Variants in TLR10 observed in about 807,000 individuals in gnomAD.
TLR10 encodes toll-like receptor 10.
For missense variants in TLR10, 929 were observed against 932.9 expected (o/e 1.00, Z 0.05); for synonymous variants, 288 against 338.8 (o/e 0.85, Z 1.65).
At chr4:38,781,732 C>A (rs1725425485) in intron 1 of TLR10, among the ~76,000 whole-genome samples, 1 of 152,154 alleles carries the variant, frequency 6.6e-6, no homozygotes, top group Non-Finnish European at 1.5e-5. Flanking sequence ...TCTAATTTAT[C>A]TTTTCCCAAT....
chr4:38,775,167 A>G lies in TLR10; in HGVS notation c.424T>C (p.Ser142Pro), dbSNP rs145711969. The change falls in exon 4 of 4, where the codon TCA (serine) becomes CCA (proline). Residue 142 changes from serine to proline, a missense_variant. Physicochemically the swap from Ser to Pro is moderately conservative, Grantham distance 74. Transcript: ENST00000308973. ...MPICEEAGNM[S>P]HLEILGLSGA... ...CTCAAACCTAGGATTTCCAGGTGTG[A>G]CATGTTGCCAGCTTCCTCACAGATA... 1,074 of 1,613,894 alleles carry G rather than the reference A, an allele frequency of 6.7e-4. 2 individuals are homozygous for G. The Middle Eastern group carries it at 7.4e-3, about 11-fold the overall frequency.
chr4:38,777,268 A>C (rs1725111730), intron 1 of TLR10, among the ~76,000 whole-genome samples: 1 of 152,322 alleles, frequency 6.6e-6, no homozygotes, highest in East Asian at 1.9e-4. Flanking sequence ...GAAGCAAGAC[A>C]CTTGTTGTCT....
intron 1 of TLR10, among the ~76,000 whole-genome samples, chr4:38,780,074 A>G (rs1009962842): frequency 1.1e-4 from 16 of 152,214 alleles, no homozygotes; most frequent in African/African-American, 3.9e-4. Flanking sequence ...TATGTTGTGA[A>G]TTCCTGATAC....
intron 1 of TLR10, among the ~76,000 whole-genome samples, chr4:38,778,381 T>C (rs1725192609): frequency 6.6e-6 from 1 of 152,016 alleles, no homozygotes; most frequent in Non-Finnish European, 1.5e-5. Flanking sequence ...TGTATACCTA[T>C]GTAACAAACA....
In TLR10 at chr4:38,773,453, G is replaced by A; in HGVS notation, c.2138C>T (p.Ala713Val). 3 of 1,611,798 alleles carry A rather than the reference G, an allele frequency of 1.9e-6. No homozygotes were observed. The highest frequency in any genetic ancestry group is 2.5e-6 in the Non-Finnish European group (3 of 1,179,196). Residue 713 changes from alanine to valine, a missense_variant, in exon 4 of 4, where the codon GCC (alanine) becomes GTC (valine). Transcript: ENST00000308973. ...ATTTTCATGGAAGAGATTGTGGTGG[G>A]CAAAGTAGAATTCATAATGGCACCA... Reference protein sequence around the residue: ...NEWCHYEFYFAHHNLFHENSD... With the variant: ...NEWCHYEFYFVHHNLFHENSD...
At chr4:38,778,295 T>A (rs1725185354) in intron 1 of TLR10, among the ~76,000 whole-genome samples, 1 of 151,936 alleles carries the variant, frequency 6.6e-6, no homozygotes, top group Admixed American at 6.6e-5. Flanking sequence ...GGTGGGGGGC[T>A]AGGGGAGGAA....
chr4:38,776,388 T>C lies in TLR10; in HGVS notation c.-530A>G, dbSNP rs1725060644. On this transcript the variant is annotated 5_prime_UTR_variant, in exon 2 of 4. Transcript: ENST00000308973. ...AGACAACTATAAATGTCTTAACTTC[T>C]TGTTGAATTCAAAGGTCTTGATATT... The C allele has an allele frequency of 5.9e-6, 1 of 169,664 alleles. No individual in the cohort carries two copies. The highest frequency in any genetic ancestry group is 5.8e-5 in the Admixed American group (1 of 17,128). 10.5% of individuals were successfully genotyped at this position (169,664 alleles called of 1,614,324 possible).
chr4:38,773,911 C>T lies in TLR10; in HGVS notation c.1680G>A (p.Arg560=), dbSNP rs1724831534. The T allele has an allele frequency of 6.3e-7, 1 of 1,591,484 alleles. No individual in the cohort carries two copies. Among genetic ancestry groups the T allele is most frequent in the Non-Finnish European group, 8.6e-7 (1 of 1,169,230 alleles). ...SYTCEYPLNL[R]GTRLKDVHLH... is the part of the protein sequence containing the mutation. ...GATGAACGTCTTTTAACCTAGTTCC[C>T]CTTAGGTTTAAAGGGTATTCACAGG... The change falls in exon 4 of 4, where the codon AGG becomes AGA. Residue 560 remains arginine, a synonymous_variant. Transcript: ENST00000308973.
At position 38,773,663 on chromosome 4, in the gene TLR10, T is replaced by C. The variant is rs746985616; in HGVS notation, c.1928A>G (p.His643Arg). The part of the protein sequence containing the change: ...RFHAFISYSE[H>R]DSLWVKNELI... ...TTCATTCTTCACCCACAGAGAATCA[T>C]GTTCACTGTATGAAATAAATGCGTG... The change falls in exon 4 of 4, where the codon CAT (histidine) becomes CGT (arginine). Residue 643 changes from histidine (H) to arginine (R), a missense_variant. Coordinates refer to ENST00000308973, the MANE Select transcript of TLR10 (RefSeq NM_030956.4). 19 of 1,611,100 alleles carry C rather than the reference T, an allele frequency of 1.2e-5. No homozygotes were observed. The South Asian group carries it at 1.8e-4, about 15-fold the overall frequency.
intron 1 of TLR10, among the ~76,000 whole-genome samples, chr4:38,782,400 C>T (rs1399976755): frequency 2.0e-5 from 3 of 152,158 alleles, no homozygotes; most frequent in African/African-American, 7.2e-5. Flanking sequence ...GGTTGTTAAC[C>T]ATCCTCTTCT....
Position 38,774,711 on chromosome 4 carries a change from A to T in TLR10, c.880T>A (p.Tyr294Asn). The T allele has an allele frequency of 6.3e-7, 1 of 1,579,950 alleles. No homozygotes were observed. The highest frequency in any genetic ancestry group is 1.9e-5 in the Admixed American group (1 of 51,472). The change falls in exon 4 of 4, where the codon TAC becomes AAC. Residue 294 changes from tyrosine to asparagine, a missense_variant. By Grantham distance (143) the Tyr-to-Asn change is moderately radical (BLOSUM62 -2). Transcript: ENST00000308973. The part of the protein sequence containing the change: ...KAYLDHNSFD[Y>N]SNTVMRTIKL... ...ATAGTTCTCATTACAGTATTTGAGTAGTCAAATGAATTGTGGTCAAGATAA... is the reference window on the plus strand; with the variant it reads ...ATAGTTCTCATTACAGTATTTGAGTTGTCAAATGAATTGTGGTCAAGATAA...
rs41305286 is a variant in TLR10, at chr4:38,774,085, G to A, written c.1506C>T (p.Ser502=). The A allele has an allele frequency of 1.2e-3, 1,991 of 1,612,504 alleles. No homozygotes were observed. The highest frequency in any genetic ancestry group is 2.7e-3 in the Admixed American group (164 of 59,926). The change falls in exon 4 of 4, where the codon AGC becomes AGT. Residue 502 remains serine (S), a synonymous_variant. Coordinates refer to ENST00000308973, the MANE Select transcript of TLR10 (RefSeq NM_030956.4). ...AGCTCTGAACAAAATCCAGAGATGG[G>A]CTGAGAATGAAGTTCATTTCAATGT... The part of the protein sequence containing the change: ...VLNIEMNFIL[S]PSLDFVQSCQ...
In TLR10 at chr4:38,774,078, G is replaced by C; in HGVS notation, c.1513C>G (p.Leu505Val). 1 of 1,612,502 alleles carries C rather than the reference G, an allele frequency of 6.2e-7. No individual in the cohort carries two copies. The highest frequency in any genetic ancestry group is 8.5e-7 in the Non-Finnish European group (1 of 1,178,734). ...TCCTGGCAGCTCTGAACAAAATCCA[G>C]AGATGGGCTGAGAATGAAGTTCATT... is the stretch of plus-strand genomic sequence containing the variant. ...IEMNFILSPSLDFVQSCQEVK... is the reference protein window; with the variant it reads ...IEMNFILSPSVDFVQSCQEVK... The change falls in exon 4 of 4, where the codon CTG becomes GTG. Residue 505 changes from leucine (L) to valine (V), a missense_variant. Physicochemically the swap from Leu to Val is conservative, Grantham distance 32. Transcript: ENST00000308973.
intron 1 of TLR10, among the ~76,000 whole-genome samples, chr4:38,782,088 G>A (rs993241245): frequency 2.6e-5 from 4 of 152,256 alleles, no homozygotes; most frequent in African/African-American, 4.8e-5. Context: ...GGCTTAAGAT[G>A]TAACGACATC....
intron 1 of TLR10, chr4:38,779,189 T>C (rs1027747705): frequency 6.6e-6 from 1 of 152,248 alleles, no homozygotes; most frequent in Non-Finnish European, 1.5e-5. Flanking sequence ...TCCCTTACAA[T>C]GTAAACTTGG....
rs766887311 is a variant in TLR10, at chr4:38,773,979, T to C, written c.1612A>G (p.Thr538Ala). ...CELKNFIQLE[T>A]YSEVMMVGWS... is the part of the protein sequence containing the mutation. The stretch of plus-strand genomic sequence containing the variant: ...CCAACCATCATGACCTCTGAATATG[T>C]TTCAAGCTGAATGAAATTTTTTAAT... Residue 538 changes from threonine (T) to alanine (A), a missense_variant, in exon 4 of 4, where the codon ACA becomes GCA. By Grantham distance (58) the Thr-to-Ala change is moderately conservative. Transcript: ENST00000308973. 6.3e-7 allele frequency: 1 copy of C among 1,591,246 alleles called. No homozygotes were observed. The highest frequency in any genetic ancestry group is 2.2e-5 in the East Asian group (1 of 44,626).
chr4:38,775,762 G>A lies in TLR10; in HGVS notation c.-63+13C>T, dbSNP rs10856840. 38,968 of 618,922 alleles carry A rather than the reference G, an allele frequency of 0.063. 2,472 individuals carry two copies. Among genetic ancestry groups the A allele is most frequent in the African/African-American group, 0.2 (10,609 of 53,622 alleles). The allele number at this position is 618,922 out of a possible 1,614,324, so 38.3% of individuals were successfully genotyped here. A position where few individuals can be genotyped will look rare whatever the true frequency, so the allele number is the denominator to read the frequency against. On this transcript the variant is annotated intron_variant, in intron 3 of 3. Coordinates refer to ENST00000308973, the MANE Select transcript of TLR10 (RefSeq NM_030956.4). ...TGACTACATTCATCAAGAGGTTGGA[G>A]TAAGGTTCCAACCTGTATATTGGGT...
rs1724922329 is a variant in TLR10, at chr4:38,774,764, A to G, written c.827T>C (p.Ile276Thr). 3 of 1,602,614 alleles carry G rather than the reference A, an allele frequency of 1.9e-6. No individual in the cohort carries two copies. The East Asian group carries it at 6.7e-5, about 36-fold the overall frequency. Reference sequence around the variant, plus strand: ...CTTACCACCAAAAGTCACATTTCGGATCTGAAAGTGTTCCACTGATGTATG... The same window carrying G: ...CTTACCACCAAAAGTCACATTTCGGGTCTGAAAGTGTTCCACTGATGTATG... ...VWHTSVEHFQ[I>T]RNVTFGGKAY... Residue 276 changes from isoleucine (I) to threonine (T), a missense_variant, in exon 4 of 4, where the codon ATC becomes ACC. Transcript: ENST00000308973.
chr4:38,780,274 T>G (rs1204595598), intron 1 of TLR10, among the ~76,000 whole-genome samples: 3 of 151,968 alleles, frequency 2.0e-5, no homozygotes, highest in African/African-American at 7.3e-5. Context: ...CGTGGTGGCA[T>G]GTGCCTGTAG....
Sources: gnomAD v4.1 joint callset for allele counts (sites outside exome capture counted in the v4.1 genomes callset) on GRCh38, gnomAD v4.1.1 for gene constraint, MANE v1.5 for transcripts, NCBI Gene and HGNC (gene_info 2026-07-23, HGNC 2026-07-21) for gene names.